The following ABL2 variants were observed in gnomAD, a reference collection of about 807,000 sequenced individuals.
ABL2 encodes tyrosine-protein kinase ABL2.
Under a neutral mutation model 107.7 loss-of-function variants are expected in ABL2, and 49 were observed. The ratio of observed to expected loss-of-function variants is 0.45; its 90% CI spans 0.36 to 0.58. The LOEUF is 0.58. Ranked by LOEUF, ABL2 falls within the 20% of genes least tolerant of loss-of-function variation. The pLI is 0.00. For synonymous variants in ABL2, 549 were observed against 548.6 expected, an observed-to-expected ratio of 1.00 and a Z score of -0.01; for missense variants, 1,245 against 1,457.0, an observed-to-expected ratio of 0.85 and a Z score of 2.37.
At chr1:179,123,469 C>A (rs768901852) in intron 4 of ABL2, among the ~76,000 whole-genome samples, 1 of 151,978 alleles carries the variant, frequency 6.6e-6, no homozygotes, top group Admixed American at 6.6e-5. Context: ...CACGCCACTG[C>A]ATTCTAGAGT....
rs549149356 is a variant in ABL2 at position 179,123,104 on chromosome 1, A to AT, written c.688-1238dup. 2.6e-4 allele frequency among the ~76,000 whole-genome samples: 39 copies of AT among 152,378 alleles called. No homozygotes were observed. In the South Asian group the frequency reaches 7.2e-3, roughly 28 times the overall value. ...ATATCACCTTAATCTTGTAAAAAAC[A>AT]TAACTTGAAAACCACTGATTTAGAT... On this transcript the variant is annotated intron_variant, in intron 4 of 11. Transcript: ENST00000502732.
At chr1:179,131,527 C>T (rs1656330381) in intron 2 of ABL2, 46 bp from the exon 3 acceptor site, 3 of 1,583,452 alleles carry the variant, frequency 1.9e-6, no homozygotes, top group Admixed American at 1.7e-5. Context: ...AGTTCAACAG[C>T]GAAACATTTG....
chr1:179,201,889 T>C (rs1661691349), intron 1 of ABL2: 11 of 1,318,036 alleles, frequency 8.3e-6, no homozygotes, highest in Admixed American at 2.8e-5. Context: ...AACACCTCCA[T>C]TGAGGAAATG....
At chr1:179,166,283 G>C (rs1659372948) in intron 1 of ABL2, among the ~76,000 whole-genome samples, 1 of 151,382 alleles carries the variant, frequency 6.6e-6, no homozygotes, top group Non-Finnish European at 1.5e-5. Flanking sequence ...GCACAGCAAA[G>C]GGAACAATCA....
intron 1 of ABL2, among the ~76,000 whole-genome samples, chr1:179,214,518 AC>A (rs1238563926): frequency 3.4e-4 from 25 of 72,920 alleles, no homozygotes; most frequent in Admixed American, 1.7e-4. Context: ...TTTTAAAATG[AC>A]ATATATATAT....
In ABL2 at chr1:179,108,433, T is replaced by C. The variant is rs1232713778; in HGVS notation, c.2834A>G (p.Asp945Gly). The C allele has an allele frequency of 2.5e-6, 4 of 1,614,208 alleles. No homozygotes were observed. The highest frequency in any genetic ancestry group is 3.4e-6 in the Non-Finnish European group (4 of 1,180,036). Residue 945 changes from aspartate (D) to glycine (G), a missense_variant, in exon 12 of 12, where the codon GAC becomes GGC. Asp to Gly is a moderately conservative substitution (Grantham distance 94). Coordinates refer to ENST00000502732, the MANE Select transcript of ABL2 (RefSeq NM_007314.4). ...ISPTLKHTPADVQLIGTDSQG... is the reference protein window; with the variant it reads ...ISPTLKHTPAGVQLIGTDSQG... ...AGAGTCTGTGCCAATGAGCTGCACG[T>C]CAGCTGGAGTGTGTTTCAGAGTGGG... is the stretch of plus-strand genomic sequence containing the variant.
intron 1 of ABL2, among the ~76,000 whole-genome samples, chr1:179,213,824 A>G (rs1400507909): frequency 6.6e-6 from 1 of 152,112 alleles, no homozygotes; most frequent in Non-Finnish European, 1.5e-5. Flanking sequence ...CACACCTGTA[A>G]TCCCAGTACA....
At chr1:179,155,259 C>T (rs1419830021) in intron 1 of ABL2, among the ~76,000 whole-genome samples, 3 of 152,178 alleles carry the variant, frequency 2.0e-5, no homozygotes, top group African/African-American at 2.4e-5. Flanking sequence ...TGCCTATACA[C>T]GTGATGATAT....
chr1:179,178,401 C>CAAAAAAAAAAAAAAAAAAAAAAAAAA (rs572438530), intron 1 of ABL2, among the ~76,000 whole-genome samples: 8 of 68,638 alleles, frequency 1.2e-4, no homozygotes, highest in Non-Finnish European at 2.3e-4. Flanking sequence ...GACTCTGCCT[C>CAAAAAAAAAAAAAAAAAAAAAAAAAA]AAAAAAAAAA....
chr1:179,107,177 G>A lies in ABL2; in HGVS notation c.*541C>T, dbSNP rs1465952247. The stretch of plus-strand genomic sequence containing the variant: ...TCCCAGTTTTATGTTGTAGCACTCT[G>A]ATTTGCAGTTCTTATTACAGCAGCA... On this transcript the variant is annotated 3_prime_UTR_variant, in exon 12 of 12. Transcript: ENST00000502732. The A allele has an allele frequency of 4.3e-6, 1 of 233,324 alleles. No individual in the cohort carries two copies. Among genetic ancestry groups the A allele is most frequent in the Non-Finnish European group, 8.5e-6 (1 of 118,270 alleles). 14.5% of individuals were successfully genotyped at this position (233,324 alleles called of 1,614,324 possible).
At chr1:179,132,027 A>C (rs1056909963) in intron 2 of ABL2, among the ~76,000 whole-genome samples, 3 of 152,226 alleles carry the variant, frequency 2.0e-5, no homozygotes, top group Admixed American at 6.5e-5. Context: ...GTATAGAAAA[A>C]ATTATTTAAA....
rs140945067 is a variant in ABL2 at position 179,108,248 on chromosome 1, T to A, written c.3019A>T (p.Thr1007Ser). The A allele has an allele frequency of 6.2e-7, 1 of 1,614,178 alleles. No individual in the cohort carries two copies. Among genetic ancestry groups the A allele is most frequent in the Admixed American group, 1.7e-5 (1 of 60,024 alleles). ...GTGGACTGTCCTGCAGTTAGGGCAG[T>A]TGGCTCTTCTGTAGGGTCTGAGCAG... ...SICSDPTEEP[T>S]ALTAGQSTSE... The change falls in exon 12 of 12, where the codon ACT becomes TCT. Residue 1007 changes from threonine to serine, a missense_variant. Coordinates refer to ENST00000502732, the MANE Select transcript of ABL2 (RefSeq NM_007314.4).
chr1:179,162,048 T>C (rs1360701463), intron 1 of ABL2, among the ~76,000 whole-genome samples: 3 of 152,110 alleles, frequency 2.0e-5, no homozygotes, highest in Non-Finnish European at 4.4e-5. Flanking sequence ...CTCTGAGAAA[T>C]GAATTTCTGT....
chr1:179,107,546 T>C lies in ABL2; in HGVS notation c.*172A>G. 1.5e-6 allele frequency: 2 copies of C among 1,343,398 alleles called. No individual in the cohort carries two copies. The highest frequency in any genetic ancestry group is 2.0e-6 in the Non-Finnish European group (2 of 1,017,256). The allele number at this position is 1,343,398 out of a possible 1,614,324, so 83.2% of individuals were successfully genotyped here. A position where few individuals can be genotyped will look rare whatever the true frequency, so the allele number is the denominator to read the frequency against. ...CCTCTCCTATACTTATGTGGTTTGC[T>C]TCTTATTTTTGAGATGAAACTGTAA... is the stretch of plus-strand genomic sequence containing the variant. On this transcript the variant is annotated 3_prime_UTR_variant, in exon 12 of 12. Transcript: ENST00000502732.
intron 1 of ABL2, among the ~76,000 whole-genome samples, chr1:179,200,791 TAAA>T (rs1232595070): frequency 6.6e-6 from 1 of 152,150 alleles, no homozygotes; most frequent in Non-Finnish European, 1.5e-5. Context: ...CAAAGGGATA[TAAA>T]GCAAAATCAG....
At chr1:179,224,448 T>C (rs867537074) in intron 1 of ABL2, among the ~76,000 whole-genome samples, 1 of 151,854 alleles carries the variant, frequency 6.6e-6, no homozygotes, top group Non-Finnish European at 1.5e-5. Flanking sequence ...TGTATTTTTT[T>C]AGTAGAGACA....
At chr1:179,112,855 A>C (rs906537496) in intron 9 of ABL2, among the ~76,000 whole-genome samples, 1 of 152,090 alleles carries the variant, frequency 6.6e-6, no homozygotes, top group African/African-American at 2.4e-5. Context: ...CCTGGGTTCA[A>C]GTGATTCTCC....
At position 179,220,025 on chromosome 1, in the gene ABL2, A is replaced by G. The variant is rs546624470; in HGVS notation, c.157+9216T>C. Among the ~76,000 whole-genome samples the G allele has an allele frequency of 3.9e-5, 6 of 152,360 alleles. No individual in the cohort carries two copies. The South Asian group carries it at 1.0e-3, about 26-fold the overall frequency. ...TTCAACAACCTGTTGTGAGGGATAA[A>G]CCATGTACCAATGTCAGACACAAAG... is the stretch of plus-strand genomic sequence containing the variant. On this transcript the variant is annotated intron_variant, in intron 1 of 11. Coordinates refer to ENST00000502732, the MANE Select transcript of ABL2 (RefSeq NM_007314.4).
chr1:179,114,887 T>A lies in ABL2; in HGVS notation c.1552A>T (p.Met518Leu). 2 of 1,601,142 alleles carry A rather than the reference T, an allele frequency of 1.2e-6. No individual in the cohort carries two copies. The highest frequency in any genetic ancestry group is 1.7e-6 in the Non-Finnish European group (2 of 1,175,450). ...EGCPPKVYEL[M>L]RACWKWSPAD... is the part of the protein sequence containing the mutation. ...ATGCAAAAATACTCACATGCTCTCATAAGTTCATAAACCTTAGGGGGGCAT... is the reference window on the plus strand; with the variant it reads ...ATGCAAAAATACTCACATGCTCTCAAAAGTTCATAAACCTTAGGGGGGCAT... Residue 518 changes from methionine to leucine, a missense_variant, in exon 9 of 12, where the codon ATG becomes TTG. Physicochemically the swap from Met to Leu is conservative, Grantham distance 15. This residue lies in a region of ABL2 where 320 missense variants were observed against 547.0 expected (regional missense o/e 0.59). Coordinates refer to ENST00000502732, the MANE Select transcript of ABL2 (RefSeq NM_007314.4).
Sources: gnomAD v4.1 joint callset for allele counts (sites outside exome capture counted in the v4.1 genomes callset) on GRCh38, gnomAD v4.1.1 for gene constraint, gnomAD v4.1.1 regional missense constraint, MANE v1.5 for transcripts, NCBI Gene and HGNC (gene_info 2026-07-23, HGNC 2026-07-21) for gene names.